The following KIF4A variants were observed in gnomAD, a reference collection of about 807,000 sequenced individuals.
KIF4A encodes the protein chromosome-associated kinesin KIF4A.
Under a neutral mutation model 105.9 loss-of-function variants are expected in KIF4A, and 7 were observed. The observed-to-expected ratio is 0.07, with a 90% CI of 0.04 to 0.12. The LOEUF (loss-of-function observed/expected upper bound fraction) is 0.12. Ranked by LOEUF, KIF4A falls within the 10% of genes least tolerant of loss-of-function variation. The pLI is 1.00. For missense variants in KIF4A, 558 were observed against 929.2 expected (o/e 0.60, Z 5.19); for synonymous variants, 281 against 331.3 (o/e 0.85, Z 1.65).
At chrX:70,318,865 T>G (rs763208615) in intron 7 of KIF4A, among the ~76,000 whole-genome samples, 1 of 112,517 alleles carries the variant, frequency 8.9e-6, no homozygotes, top group Non-Finnish European at 1.9e-5. Context: ...TTCTAGTTAT[T>G]GGTCAGTTAT....
chrX:70,359,190 G>A lies in KIF4A; in HGVS notation c.1674+5383G>A, dbSNP rs776106920. On this transcript the variant is annotated intron_variant, in intron 15 of 30. Coordinates refer to ENST00000374403, the MANE Select transcript of KIF4A (RefSeq NM_012310.5). ...GCTTTCCTTGTCTCTTTTCATTCTC[G>A]TTGATTTATACCTCCTTTTTTGTTC... Among the ~76,000 whole-genome samples, 9 of 112,026 alleles carry A rather than the reference G, an allele frequency of 8.0e-5. No homozygotes were observed. In the East Asian group the frequency reaches 8.4e-4, roughly 10 times the overall value.
intron 15 of KIF4A, among the ~76,000 whole-genome samples, chrX:70,355,137 T>C (rs2086046015): frequency 8.9e-6 from 1 of 111,738 alleles, no homozygotes; most frequent in Admixed American, 9.5e-5. Context: ...GACAGCCTTT[T>C]GTAAAACCAA....
intron 28 of KIF4A, among the ~76,000 whole-genome samples, chrX:70,409,952 A>G (rs754929431): frequency 2.7e-5 from 3 of 111,892 alleles, no homozygotes; most frequent in African/African-American, 6.5e-5. Context: ...AGGGCAACAT[A>G]GAAGTATAGC....
At chrX:70,311,075 A>C (rs1203075983) in intron 7 of KIF4A, among the ~76,000 whole-genome samples, 1 of 108,864 alleles carries the variant, frequency 9.2e-6, no homozygotes, top group African/African-American at 3.4e-5. Context: ...TAGTGAGCCA[A>C]GATCGCACCA....
At position 70,354,166 on chromosome X, in the gene KIF4A, A is replaced by G. The variant is rs773218464; in HGVS notation, c.1674+359A>G. Among the ~76,000 whole-genome samples, 3 of 113,093 alleles carry G rather than the reference A, an allele frequency of 2.7e-5. No homozygotes were observed. The South Asian group carries it at 1.1e-3, about 41-fold the overall frequency. ...GGGTTATAGTATGAATTATGAAGAC[A>G]CTAGTGGATGTCACATGACTTGACA... On this transcript the variant is annotated intron_variant, in intron 15 of 30. Transcript: ENST00000374403.
At chrX:70,359,109 G>C (rs2086063467) in intron 15 of KIF4A, among the ~76,000 whole-genome samples, 1 of 112,118 alleles carries the variant, frequency 8.9e-6, no homozygotes, top group African/African-American at 3.2e-5. Flanking sequence ...CTGGATGTCA[G>C]TTACTGCTTA....
chrX:70,307,012 A>G (rs1260400489), intron 7 of KIF4A, among the ~76,000 whole-genome samples: 2 of 108,041 alleles, frequency 1.9e-5, no homozygotes, highest in Non-Finnish European at 3.8e-5. Context: ...TTTTTTGTAG[A>G]GACGGGTCTC....
Position 70,404,832 on chromosome X carries a change from C to T in KIF4A, c.2898+10C>T, listed in dbSNP as rs1345858511. The T allele has an allele frequency of 3.6e-6, 4 of 1,098,977 alleles. No homozygotes were observed. The highest frequency in any genetic ancestry group is 2.3e-5 in the Admixed American group (1 of 44,176). The allele number at this position is 1,098,977 out of a possible 1,213,427, so 90.6% of individuals were successfully genotyped here. A position where few individuals can be genotyped will look rare whatever the true frequency, so the allele number is the denominator to read the frequency against. ...CACACTGAAGTGTCAGGTATGATCA[C>T]GAGAGGTCTCCAGAGATGAGTTTCA... On this transcript the variant is annotated intron_variant, in intron 25 of 30. Transcript: ENST00000374403.
chrX:70,402,517 T>C (rs1299587913), intron 22 of KIF4A, 49 bp from the exon 23 acceptor site: 1 of 1,187,183 alleles, frequency 8.4e-7, no homozygotes, highest in Non-Finnish European at 1.1e-6. Flanking sequence ...TTCCCCCTTC[T>C]TGATGTTCAG....
chrX:70,325,956 A>T (rs2085909451), intron 7 of KIF4A, among the ~76,000 whole-genome samples: 2 of 111,909 alleles, frequency 1.8e-5, no homozygotes, highest in Admixed American at 1.9e-4. Flanking sequence ...GTTCAATATT[A>T]TACACATTGG....
intron 23 of KIF4A, 101 bp from the exon 24 acceptor site, chrX:70,403,763 C>A: frequency 1.3e-6 from 1 of 764,396 alleles, no homozygotes; most frequent in East Asian, 3.5e-5. Context: ...AGGAATTTTT[C>A]TCAGACCCTT....
At chrX:70,372,407 G>A (rs1363477543) in intron 15 of KIF4A, among the ~76,000 whole-genome samples, 2 of 113,055 alleles carry the variant, frequency 1.8e-5, no homozygotes, top group Middle Eastern at 4.6e-3. Context: ...TCGGGAGGCC[G>A]AGGCTGGCGG....
chrX:70,300,634 A>C (rs1013840383), intron 5 of KIF4A, among the ~76,000 whole-genome samples: 2 of 111,897 alleles, frequency 1.8e-5, no homozygotes, highest in African/African-American at 6.5e-5. Flanking sequence ...GGACCAGATT[A>C]TGAAGCCGGG....
At chrX:70,405,237 T>C (rs910580779) in intron 25 of KIF4A, among the ~76,000 whole-genome samples, 3 of 111,820 alleles carry the variant, frequency 2.7e-5, no homozygotes, top group African/African-American at 9.8e-5. Flanking sequence ...TTCCAGAGGC[T>C]AGGAACACCA....
intron 20 of KIF4A, among the ~76,000 whole-genome samples, chrX:70,389,979 A>T (rs2086231857): frequency 8.9e-6 from 1 of 112,560 alleles, no homozygotes; most frequent in Admixed American, 9.5e-5. Context: ...TCAACATGTT[A>T]AGAATATTTA....
chrX:70,331,241 G>A (rs1324020677), intron 9 of KIF4A, among the ~76,000 whole-genome samples: 1 of 111,764 alleles, frequency 8.9e-6, no homozygotes, highest in African/African-American at 3.3e-5. Context: ...TATAGCAAGT[G>A]TTGGAAGGGT....
chrX:70,363,703 C>T (rs1257394701), intron 15 of KIF4A, among the ~76,000 whole-genome samples: 1 of 111,971 alleles, frequency 8.9e-6, no homozygotes, highest in Non-Finnish European at 1.9e-5. Flanking sequence ...AATAGACATA[C>T]GTGTTCATGT....
rs762846132 is a variant in KIF4A at position 70,290,675 on chromosome X, C to T, written c.121-16C>T. The T allele has an allele frequency of 1.7e-6, 2 of 1,201,610 alleles. No homozygotes were observed. Among genetic ancestry groups the T allele is most frequent in the Admixed American group, 4.3e-5 (2 of 45,992 alleles). ...TTTCATTTTTAACCTTACGCCTTGTCCCGTGCCTTCTCTAGGTGGTGGTTG... is the reference window on the plus strand; with the variant it reads ...TTTCATTTTTAACCTTACGCCTTGTTCCGTGCCTTCTCTAGGTGGTGGTTG... On this transcript the variant is annotated splice_polypyrimidine_tract_variant and intron_variant, in intron 2 of 30. Coordinates refer to ENST00000374403, the MANE Select transcript of KIF4A (RefSeq NM_012310.5).
At position 70,419,747 on chromosome X, in the gene KIF4A, C is replaced by T. The variant is rs892708240; in HGVS notation, c.3459C>T (p.Ser1153=). The T allele has an allele frequency of 8.3e-7, 1 of 1,208,514 alleles. No homozygotes were observed. The highest frequency in any genetic ancestry group is 1.8e-5 in the African/African-American group (1 of 56,746). The part of the protein sequence containing the change: ...EDPTEVTPGL[S]FFNPVCATPN... ...CTACCGAGGTGACCCCAGGATTGAG[C>T]TTCTTTAATCCCGTCTGTGCCACCC... Residue 1153 remains serine (S), a synonymous_variant, in exon 30 of 31, where the codon AGC becomes AGT. Transcript: ENST00000374403.
Sources: gnomAD v4.1 joint callset for allele counts (sites outside exome capture counted in the v4.1 genomes callset) on GRCh38, gnomAD v4.1.1 for gene constraint, MANE v1.5 for transcripts, NCBI Gene and HGNC (gene_info 2026-07-23, HGNC 2026-07-21) for gene names.